Variants in SLC8A1 observed in about 807,000 individuals in gnomAD.
SLC8A1 encodes solute carrier family 8 member A1.
Under a neutral mutation model 68.3 loss-of-function variants are expected in SLC8A1, and 18 were observed. The observed-to-expected ratio is 0.26, with a 90% CI of 0.18 to 0.39. The LOEUF is 0.39. SLC8A1 is among the 10% of genes least tolerant of loss of function. SLC8A1 has a pLI of 1.00. For synonymous variants in SLC8A1, 475 were observed against 415.5 expected, an observed-to-expected ratio of 1.14 and a Z score of -1.74; for missense variants, 985 against 1,156.7, an observed-to-expected ratio of 0.85 and a Z score of 2.15.
chr2:40,320,881 G>C (rs914099931), intron 2 of SLC8A1, among the ~76,000 whole-genome samples: 1 of 152,042 alleles, frequency 6.6e-6, no homozygotes, highest in Non-Finnish European at 1.5e-5. Flanking sequence ...TCACTACTCA[G>C]AACAAATTAG....
In SLC8A1 at chr2:40,289,761, G is replaced by A. The variant is rs557841638; in HGVS notation, c.1809-111906C>T. 4.6e-5 allele frequency among the ~76,000 whole-genome samples: 7 copies of A among 152,028 alleles called. No individual in the cohort carries two copies. The South Asian group carries it at 1.0e-3, about 23-fold the overall frequency. The stretch of plus-strand genomic sequence containing the variant: ...CTGTAATCCCAGCTACTCAGGAGGG[G>A]AGGAAGGGAGAATTGCTTGAACTTA... On this transcript the variant is annotated intron_variant, in intron 2 of 7. Transcript: ENST00000406785.
At chr2:40,173,794 T>C (rs2047970800) in intron 4 of SLC8A1, among the ~76,000 whole-genome samples, 1 of 152,236 alleles carries the variant, frequency 6.6e-6, no homozygotes, top group Non-Finnish European at 1.5e-5. Flanking sequence ...CATACTGATA[T>C]AGAATGTAGG....
chr2:40,501,997 G>A (rs530885432), intron 1 of SLC8A1, among the ~76,000 whole-genome samples: 14 of 152,114 alleles, frequency 9.2e-5, no homozygotes, highest in East Asian at 3.9e-4. Flanking sequence ...ATCTCTAGAC[G>A]TCTTAACATC....
intron 5 of SLC8A1, among the ~76,000 whole-genome samples, chr2:40,162,938 G>A (rs57603408): frequency 0.24 from 37,015 of 152,016 alleles, 4,936 homozygotes; most frequent in East Asian, 0.56. Context: ...CTCTGAGTAA[G>A]TTCTTTAAAA....
chr2:40,419,624 A>T (rs1694912630), intron 2 of SLC8A1, among the ~76,000 whole-genome samples: 1 of 152,140 alleles, frequency 6.6e-6, no homozygotes, highest in Non-Finnish European at 1.5e-5. Flanking sequence ...TACACACTGA[A>T]CTGAATAGCT....
intron 4 of SLC8A1, among the ~76,000 whole-genome samples, chr2:40,171,133 A>T (rs2047417674): frequency 6.6e-6 from 1 of 152,170 alleles, no homozygotes; most frequent in Non-Finnish European, 1.5e-5. Flanking sequence ...TATGCTTGTC[A>T]TCTAAACTTG....
intron 1 of SLC8A1, among the ~76,000 whole-genome samples, chr2:40,482,835 G>T (rs752270955): frequency 6.8e-6 from 1 of 146,086 alleles, no homozygotes; most frequent in Non-Finnish European, 1.5e-5. Context: ...CTGTAGCCCA[G>T]GTTGGAGTGC....
intron 2 of SLC8A1, among the ~76,000 whole-genome samples, chr2:40,278,511 G>A (rs1358259014): frequency 6.6e-6 from 1 of 150,702 alleles, no homozygotes; most frequent in African/African-American, 2.5e-5. Context: ...CAAAAAGAAA[G>A]AAAAGCCATC....
intron 2 of SLC8A1, among the ~76,000 whole-genome samples, chr2:40,322,002 C>A (rs1397541516): frequency 1.3e-5 from 2 of 152,124 alleles, no homozygotes; most frequent in East Asian, 3.9e-4. Flanking sequence ...AATCTCTAAG[C>A]AAATGGAAAG....
intron 1 of SLC8A1, among the ~76,000 whole-genome samples, chr2:40,481,774 A>C (rs1377752786): frequency 1.3e-5 from 2 of 152,194 alleles, no homozygotes; most frequent in African/African-American, 4.8e-5. Flanking sequence ...CCAGTTCTTC[A>C]TGTCTCCATC....
chr2:40,461,070 G>C (rs775913867), intron 1 of SLC8A1, among the ~76,000 whole-genome samples: 25 of 152,098 alleles, frequency 1.6e-4, no homozygotes, highest in Admixed American at 9.8e-4. Context: ...CCAATTCTTA[G>C]CAGAATCCTA....
chr2:40,232,037 G>A (rs960069893), intron 2 of SLC8A1, among the ~76,000 whole-genome samples: 1 of 152,102 alleles, frequency 6.6e-6, no homozygotes, highest in African/African-American at 2.4e-5. Context: ...TGTGTCCTAA[G>A]ATGAAGCAGG....
intron 7 of SLC8A1, among the ~76,000 whole-genome samples, chr2:40,126,541 T>C (rs1433790288): frequency 6.6e-6 from 1 of 151,908 alleles, no homozygotes; most frequent in Non-Finnish European, 1.5e-5. Context: ...GAAGGAAAAA[T>C]AATTCAAAGC....
intron 2 of SLC8A1, among the ~76,000 whole-genome samples, chr2:40,210,668 C>A (rs7583602): frequency 6.6e-6 from 1 of 152,034 alleles, no homozygotes; most frequent in South Asian, 2.1e-4. Context: ...TTTCCTGTTT[C>A]ACCAGAAATT....
intron 1 of SLC8A1, among the ~76,000 whole-genome samples, chr2:40,472,549 G>T (rs1704050413): frequency 6.6e-6 from 1 of 151,962 alleles, no homozygotes; most frequent in East Asian, 1.9e-4. Context: ...TTTTTTTTTA[G>T]AGACAAGGGC....
In SLC8A1 at chr2:40,369,157, G is replaced by C. The variant is rs113178528; in HGVS notation, c.1808+59316C>G. Among the ~76,000 whole-genome samples the C allele has an allele frequency of 3.8e-3, 585 of 152,062 alleles. 4 individuals carry two copies. Among genetic ancestry groups the C allele is most frequent in the African/African-American group, 0.013 (558 of 41,536 alleles). On this transcript the variant is annotated intron_variant, in intron 2 of 7. Coordinates refer to ENST00000406785, the Ensembl canonical transcript of SLC8A1. ...AGATATAATGACAAAGATGCCAAAAGAATTGCAACAAAAGCAAAAATTGAC... is the reference window on the plus strand; with the variant it reads ...AGATATAATGACAAAGATGCCAAAACAATTGCAACAAAAGCAAAAATTGAC...
At chr2:40,200,200 ATATATAAATATATATATATTTTTT>A (rs1162070087) in intron 2 of SLC8A1, among the ~76,000 whole-genome samples, 500 of 11,330 alleles carry the variant, frequency 0.044, 51 homozygotes, top group African/African-American at 0.14. Flanking sequence ...ATTTATATAT[ATATATAAATATATATATATTTTTT>A]TATATATATA....
intron 4 of SLC8A1, among the ~76,000 whole-genome samples, chr2:40,165,418 T>C (rs2046380301): frequency 6.6e-6 from 1 of 152,166 alleles, no homozygotes; most frequent in Non-Finnish European, 1.5e-5. Context: ...GAGTCTGGCC[T>C]CTTCCTCTTC....
chr2:40,412,919 T>C (rs1017990194), intron 2 of SLC8A1, among the ~76,000 whole-genome samples: 4 of 152,306 alleles, frequency 2.6e-5, no homozygotes, highest in African/African-American at 9.6e-5. Flanking sequence ...TTTTTTATTA[T>C]ACTTTAAGTT....
Sources: gnomAD v4.1 joint callset for allele counts (sites outside exome capture counted in the v4.1 genomes callset) on GRCh38, gnomAD v4.1.1 for gene constraint, MANE v1.5 for transcripts, NCBI Gene and HGNC (gene_info 2026-07-23, HGNC 2026-07-21) for gene names.